ERAP1: variants seen among roughly 807,000 people sequenced by gnomAD.
ERAP1 encodes the protein endoplasmic reticulum aminopeptidase 1.
A neutral mutation model predicts 103.7 loss-of-function variants in ERAP1; 86 were observed. That is an observed-to-expected ratio of 0.83 (90% CI 0.70 to 0.99). ERAP1 has a LOEUF of 0.99. Ranked by LOEUF, ERAP1 falls within the 50% of genes least tolerant of loss-of-function variation. The pLI is 0.00. For synonymous variants in ERAP1, 398 were observed against 402.4 expected, an observed-to-expected ratio of 0.99 and a Z score of 0.13; for missense variants, 1,009 against 1,128.4, an observed-to-expected ratio of 0.89 and a Z score of 1.52.
chr5:96,909,111 C>T, the ERAP1 span: 30 of 1,613,894 alleles, frequency 1.9e-5, 1 homozygote, highest in South Asian at 2.7e-4. Context: ...TCTCTGAAAA[C>T]CTCAAGGTTT....
chr5:96,865,224 T>C, the ERAP1 span, among the ~76,000 whole-genome samples: 1 of 152,182 alleles, frequency 6.6e-6, no homozygotes. Flanking sequence ...TCTGAATGTT[T>C]TTATAGACAC....
the ERAP1 span, chr5:96,895,430 T>G: frequency 9.0e-7 from 1 of 1,115,426 alleles, no homozygotes; most frequent in Non-Finnish European, 1.3e-6. Flanking sequence ...AAATTTCAAG[T>G]GAATGTTAAA....
the ERAP1 span, among the ~76,000 whole-genome samples, chr5:96,822,077 T>C: frequency 2.0e-5 from 3 of 152,208 alleles, no homozygotes; most frequent in Admixed American, 2.0e-4. Context: ...ATCAGCGTTA[T>C]CTCCCGCCAT....
chr5:96,844,964 TTATGTCTGATTC>T, the ERAP1 span, among the ~76,000 whole-genome samples: 1 of 152,230 alleles, frequency 6.6e-6, no homozygotes, highest in Admixed American at 6.5e-5. Context: ...GTGAGAAAAA[TTATGTCTGATTC>T]CTCTTCTCAG....
chr5:96,770,563 A>G, downstream of ERAP1: 1 of 1,613,232 alleles, frequency 6.2e-7, no homozygotes, highest in Non-Finnish European at 8.5e-7. Flanking sequence ...CCAGCTCCAA[A>G]GCACCTAAGA....
the ERAP1 span, among the ~76,000 whole-genome samples, chr5:96,923,190 C>T: frequency 6.6e-6 from 1 of 152,226 alleles, no homozygotes; most frequent in African/African-American, 2.4e-5. Flanking sequence ...ATGTTTTCCA[C>T]ACTGGTCTCA....
At chr5:96,904,301 G>T in the ERAP1 span, among the ~76,000 whole-genome samples, 1 of 152,208 alleles carries the variant, frequency 6.6e-6, no homozygotes, top group Admixed American at 6.5e-5. Flanking sequence ...GGGAATTGAG[G>T]ACCAGGAAGT....
the ERAP1 span, among the ~76,000 whole-genome samples, chr5:96,903,882 G>A: frequency 6.6e-6 from 1 of 152,252 alleles, no homozygotes; most frequent in South Asian, 2.1e-4. Flanking sequence ...AGTGCAGTGG[G>A]CCAAACTCTC....
rs1773976407 is a variant in ERAP1 at position 96,775,231 on chromosome 5, G to A, written c.*1165C>T. The A allele has an allele frequency of 2.0e-6, 2 of 983,744 alleles. No individual in the cohort carries two copies. Among genetic ancestry groups the A allele is most frequent in the Non-Finnish European group, 2.4e-6 (2 of 829,632 alleles). The allele number at this position is 983,744 out of a possible 1,614,324, so 60.9% of individuals were successfully genotyped here. A position where few individuals can be genotyped will look rare whatever the true frequency, so the allele number is the denominator to read the frequency against. On this transcript the variant is annotated 3_prime_UTR_variant, in exon 19 of 19. Transcript: ENST00000443439. ...TATACATAAAACCTGAGCAGCAACT[G>A]TGTGCTGAAGCAACCGTGTGTGAAG...
chr5:96,837,546 G>C, the ERAP1 span, among the ~76,000 whole-genome samples: 1 of 152,226 alleles, frequency 6.6e-6, no homozygotes, highest in Admixed American at 6.5e-5. Context: ...TGCAGGAGCC[G>C]AGGCGAGTGC....
chr5:96,922,300 AAAAAC>A, the ERAP1 span, among the ~76,000 whole-genome samples: 2 of 152,242 alleles, frequency 1.3e-5, no homozygotes, highest in Admixed American at 1.3e-4. Context: ...TCCGTCTCAA[AAAAAC>A]AAAACAAAAA....
At chr5:96,831,555 C>T in the ERAP1 span, among the ~76,000 whole-genome samples, 1 of 152,180 alleles carries the variant, frequency 6.6e-6, no homozygotes, top group South Asian at 2.1e-4. Flanking sequence ...ATAAGGCCAA[C>T]CTGCAGTTTG....
At position 96,795,045 on chromosome 5, in the gene ERAP1, G is replaced by C; in HGVS notation, c.916C>G (p.Gln306Glu). ...AATATCTGTGCAAAATCTCTACCTT[G>C]TTTGGGTAGGGGATACGGTATGCTG... ...YFSIPYPLPK[Q>E]DLAAIPDFQS... Residue 306 changes from glutamine (Q) to glutamate (E), a missense_variant, in exon 5 of 19, where the codon CAA (glutamine) becomes GAA (glutamate). This residue lies in a region of ERAP1 where 392 missense variants were observed against 455.2 expected (regional missense o/e 0.86). Coordinates refer to ENST00000443439, the MANE Select transcript of ERAP1 (RefSeq NM_001040458.3). The C allele has an allele frequency of 6.2e-7, 1 of 1,613,930 alleles. No individual in the cohort carries two copies. Among genetic ancestry groups the C allele is most frequent in the African/African-American group, 1.3e-5 (1 of 75,004 alleles).
the ERAP1 span, among the ~76,000 whole-genome samples, chr5:96,829,142 G>C: frequency 6.6e-6 from 1 of 152,214 alleles, no homozygotes; most frequent in Non-Finnish European, 1.5e-5. Flanking sequence ...CATCACGTCA[G>C]CCTATGACAT....
the ERAP1 span, among the ~76,000 whole-genome samples, chr5:96,825,604 A>G: frequency 2.0e-5 from 3 of 152,234 alleles, no homozygotes; most frequent in South Asian, 6.2e-4. Context: ...AATGAAAGGA[A>G]GAAGACAAGC....
the ERAP1 span, chr5:96,918,316 G>A: frequency 6.6e-6 from 1 of 152,150 alleles, no homozygotes; most frequent in Non-Finnish European, 1.5e-5. Flanking sequence ...GTATTCTATA[G>A]TTTGCCCAAC....
chr5:96,872,665 T>C, the ERAP1 span, among the ~76,000 whole-genome samples: 1 of 152,226 alleles, frequency 6.6e-6, no homozygotes, highest in African/African-American at 2.4e-5. Context: ...ACAAAACATT[T>C]ATGAATTGTC....
At chr5:96,890,703 A>C in the ERAP1 span, among the ~76,000 whole-genome samples, 2,772 of 152,226 alleles carry the variant, frequency 0.018, 104 homozygotes, top group African/African-American at 0.063. Context: ...ATTGGCATAC[A>C]GTTCCAGGCT....
chr5:96,913,269 T>C, the ERAP1 span: 5 of 1,498,038 alleles, frequency 3.3e-6, no homozygotes, highest in Non-Finnish European at 3.7e-6. Flanking sequence ...TTAATGTCCA[T>C]GTACATAATA....
Sources: gnomAD v4.1 joint callset for allele counts (sites outside exome capture counted in the v4.1 genomes callset) on GRCh38, gnomAD v4.1.1 for gene constraint, gnomAD v4.1.1 regional missense constraint, MANE v1.5 for transcripts, NCBI Gene and HGNC (gene_info 2026-07-23, HGNC 2026-07-21) for gene names.